The following PLCD1 variants were observed in gnomAD, a reference collection of about 807,000 sequenced individuals.
PLCD1 encodes 1-phosphatidylinositol 4,5-bisphosphate phosphodiesterase delta-1.
A neutral mutation model predicts 87.4 loss-of-function variants in PLCD1; 71 were observed. That is an observed-to-expected ratio of 0.81 (90% CI 0.67 to 0.99). The LOEUF (loss-of-function observed/expected upper bound fraction) is 0.99, where lower values mean the gene tolerates loss of function less well. Among genes scored for constraint, PLCD1 ranks in the 50% least tolerant of loss-of-function variants. PLCD1 has a pLI of 0.00. For synonymous variants in PLCD1, 348 were observed against 399.2 expected, an observed-to-expected ratio of 0.87 and a Z score of 1.53; for missense variants, 867 against 1,001.5, an observed-to-expected ratio of 0.87 and a Z score of 1.81.
chr3:38,009,476 A>G (rs1700031514), intron 9 of PLCD1, 45 bp from the exon 10 acceptor site: 1 of 1,608,520 alleles, frequency 6.2e-7, no homozygotes, highest in Non-Finnish European at 8.5e-7. Flanking sequence ...TGGTTGGGGT[A>G]GGGTAGGCAC....
Position 38,008,911 on chromosome 3 carries a change from C to T in PLCD1, c.1723+131G>A. ...GATATTTCCAGACTGATATTACCAG[C>T]TCCACAAGCCCCTGCATTTGACCCT... is the stretch of plus-strand genomic sequence containing the variant. On this transcript the variant is annotated intron_variant, in intron 11 of 14. Coordinates refer to ENST00000334661, the MANE Select transcript of PLCD1 (RefSeq NM_006225.4). 8.0e-6 allele frequency: 6 copies of T among 748,570 alleles called. No individual in the cohort carries two copies. The South Asian group carries it at 9.7e-5, about 12-fold the overall frequency. The allele number at this position is 748,570 out of a possible 1,614,324, so 46.4% of individuals were successfully genotyped here.
Position 38,007,543 on chromosome 3 carries a change from G to A in PLCD1, c.*230C>T, listed in dbSNP as rs373990828. The A allele has an allele frequency of 5.7e-5, 39 of 680,736 alleles. No individual in the cohort carries two copies. The highest frequency in any genetic ancestry group is 5.1e-4 in the African/African-American group (29 of 56,908). 42.2% of individuals were successfully genotyped at this position (680,736 alleles called of 1,614,324 possible). A position where few individuals can be genotyped will look rare whatever the true frequency, so the allele number is the denominator to read the frequency against. On this transcript the variant is annotated 3_prime_UTR_variant, in exon 15 of 15. Coordinates refer to ENST00000334661, the MANE Select transcript of PLCD1 (RefSeq NM_006225.4). ...AAAAATCCTTGACCACTCGCTGGCC[G>A]GAGGGTGGAGAGGGCTGCAGTGTTA...
chr3:38,029,524 C>G lies in PLCD1; in HGVS notation c.16G>C (p.Asp6His). Residue 6 changes from aspartate (D) to histidine (H), a missense_variant, in exon 1 of 15, where the codon GAC becomes CAC. Asp to His is a moderately conservative substitution (Grantham distance 81, BLOSUM62 -1). Transcript: ENST00000334661. Reference protein sequence around the residue: MDSGRDFLTLHGLQDD... With the variant: MDSGRHFLTLHGLQDD... ...CACTCACCGTGCAGGGTCAGGAAGT[C>G]CCGGCCCGAGTCCATGCCCGACGGG... 1 of 1,539,012 alleles carries G rather than the reference C, an allele frequency of 6.5e-7. No individual in the cohort carries two copies. Among genetic ancestry groups the G allele is most frequent in the Non-Finnish European group, 8.7e-7 (1 of 1,146,546 alleles).
At chr3:38,026,888 C>T (rs962829433) in intron 1 of PLCD1, among the ~76,000 whole-genome samples, 3 of 152,226 alleles carry the variant, frequency 2.0e-5, no homozygotes, top group South Asian at 2.1e-4. Flanking sequence ...GACTGGAGCC[C>T]AGGTCTACTG....
intron 14 of PLCD1, 55 bp from the exon 15 acceptor site, chr3:38,007,913 C>G: frequency 6.2e-7 from 1 of 1,605,176 alleles, no homozygotes; most frequent in Non-Finnish European, 8.5e-7. Flanking sequence ...CATTCGGCGG[C>G]GGAGGGGGGG....
Position 38,010,229 on chromosome 3 carries a change from C to T in PLCD1, c.1039G>A (p.Gly347Arg), listed in dbSNP as rs375595010. The change falls in exon 7 of 15, where the codon GGG becomes AGG. Residue 347 changes from glycine to arginine, a missense_variant. Gly to Arg is a moderately radical substitution (Grantham distance 125). Transcript: ENST00000334661. ...TAGATGATTGGTTCCTGGTTGGGCC[C>T]GTCCCAGCAGTCAAGCTCCAGGCAT... ...CRCLELDCWD[G>R]PNQEPIIYHG... 19 of 1,614,096 alleles carry T rather than the reference C, an allele frequency of 1.2e-5. No homozygotes were observed. Among genetic ancestry groups the T allele is most frequent in the Non-Finnish European group, 1.4e-5 (17 of 1,180,042 alleles).
intron 1 of PLCD1, chr3:38,024,893 G>C: frequency 2.8e-6 from 1 of 353,920 alleles, no homozygotes; most frequent in Non-Finnish European, 5.0e-6. Flanking sequence ...TCGAGGCGTG[G>C]GTGGGGATGG....
intron 3 of PLCD1, among the ~76,000 whole-genome samples, chr3:38,015,156 AT>A (rs1700136136): frequency 6.6e-6 from 1 of 152,244 alleles, no homozygotes; most frequent in African/African-American, 2.4e-5. Context: ...TAATATCAGC[AT>A]TCTTCATAAA....
chr3:38,011,969 G>T (rs962214988), intron 3 of PLCD1, among the ~76,000 whole-genome samples: 1 of 151,760 alleles, frequency 6.6e-6, no homozygotes, highest in Non-Finnish European at 1.5e-5. Context: ...ATCTCCCGTA[G>T]TCTATCACCT....
intron 3 of PLCD1, among the ~76,000 whole-genome samples, chr3:38,014,318 T>A (rs1700124197): frequency 6.6e-6 from 1 of 152,066 alleles, no homozygotes; most frequent in Non-Finnish European, 1.5e-5. Context: ...TTTCCTTATT[T>A]CAAAACTTAC....
intron 3 of PLCD1, among the ~76,000 whole-genome samples, chr3:38,014,344 A>C (rs1045285344): frequency 7.2e-5 from 11 of 152,218 alleles, no homozygotes; most frequent in Non-Finnish European, 1.5e-4. Context: ...AGTTACAGAA[A>C]GCAAAATATT....
rs1324668645 is a variant in PLCD1 at position 38,016,591 on chromosome 3, G to C, written c.328C>G (p.Leu110Val). 2 of 1,613,792 alleles carry C rather than the reference G, an allele frequency of 1.2e-6. No individual in the cohort carries two copies. The highest frequency in any genetic ancestry group is 3.3e-5 in the Admixed American group (2 of 59,992). Residue 110 changes from leucine to valine, a missense_variant, in exon 3 of 15, where the codon CTC (leucine) becomes GTC (valine). Coordinates refer to ENST00000334661, the MANE Select transcript of PLCD1 (RefSeq NM_006225.4). ...VFKDQRNTLDLIAPSPADAQH... is the reference protein window; with the variant it reads ...VFKDQRNTLDVIAPSPADAQH... ...GCATCAGCTGGCGATGGGGCGATGA[G>C]GTCTAGTGTATTGCGCTGGTCCTTG...
In PLCD1 at chr3:38,007,643, T is replaced by C. The variant is rs765214870; in HGVS notation, c.*130A>G. The C allele has an allele frequency of 1.5e-5, 11 of 743,944 alleles. No homozygotes were observed. The highest frequency in any genetic ancestry group is 3.5e-5 in the African/African-American group (2 of 57,782). The allele number at this position is 743,944 out of a possible 1,614,324, so 46.1% of individuals were successfully genotyped here. On this transcript the variant is annotated 3_prime_UTR_variant, in exon 15 of 15. Coordinates refer to ENST00000334661, the MANE Select transcript of PLCD1 (RefSeq NM_006225.4). ...CCCAGGGAGGCAGCAGCAGACACTA[T>C]GTTAGGGCTGAAGGCAATTTGGGGG...
chr3:38,024,700 T>A (rs1453353569), intron 1 of PLCD1: 4 of 1,483,442 alleles, frequency 2.7e-6, no homozygotes, highest in Non-Finnish European at 3.6e-6. Flanking sequence ...CGGCGGGACC[T>A]ATGCCCCCTG....
rs1375190375 is a variant in PLCD1, at chr3:38,010,375, A to C, written c.978T>G (p.Thr326=). The change falls in exon 6 of 15, where the codon ACT becomes ACG. Residue 326 remains threonine, a synonymous_variant. Transcript: ENST00000334661. ...LEDQLAGPSS[T]EAYIRALCKG... The stretch of plus-strand genomic sequence containing the variant: ...CTGAGCAGCACCGGATGTAGGCTTC[A>C]GTGCTGCTGGGCCCGGCTAGCTGGT... 6.2e-7 allele frequency: 1 copy of C among 1,614,036 alleles called. No individual in the cohort carries two copies. Among genetic ancestry groups the C allele is most frequent in the Non-Finnish European group, 8.5e-7 (1 of 1,180,008 alleles).
At position 38,011,203 on chromosome 3, in the gene PLCD1, C is replaced by G; in HGVS notation, c.790+11G>C. The G allele has an allele frequency of 1.3e-6, 2 of 1,595,092 alleles. No individual in the cohort carries two copies. Among genetic ancestry groups the G allele is most frequent in the Non-Finnish European group, 1.7e-6 (2 of 1,169,720 alleles). ...GCGACTGCAGGTAGCAGGCCCTGGT[C>G]AGGCTCTCACCAGTCTCGCTGGGCT... On this transcript the variant is annotated intron_variant, in intron 5 of 14. Coordinates refer to ENST00000334661, the MANE Select transcript of PLCD1 (RefSeq NM_006225.4).
chr3:38,011,968 A>G (rs1266075984), intron 3 of PLCD1, among the ~76,000 whole-genome samples: 1 of 152,100 alleles, frequency 6.6e-6, no homozygotes, highest in Non-Finnish European at 1.5e-5. Context: ...AATCTCCCGT[A>G]GTCTATCACC....
At chr3:38,012,172 CTTTT>C (rs924871867) in intron 3 of PLCD1, among the ~76,000 whole-genome samples, 4 of 131,948 alleles carry the variant, frequency 3.0e-5, no homozygotes, top group East Asian at 2.2e-4. Context: ...CCACGCCTGG[CTTTT>C]TTTTTTTTTT....
At chr3:38,020,040 G>A (rs1700210321) in intron 2 of PLCD1, 148 bp downstream of exon 2, 2 of 761,854 alleles carry the variant, frequency 2.6e-6, no homozygotes, top group Non-Finnish European at 4.5e-6. Flanking sequence ...CCCACTGCCA[G>A]CCCAGGTTAT....
Sources: allele counts gnomAD v4.1 joint callset (sites outside exome capture counted in the v4.1 genomes callset), GRCh38; gene constraint gnomAD v4.1.1; transcripts MANE v1.5; gene names NCBI Gene and HGNC (gene_info 2026-07-23, HGNC 2026-07-21).